UNG: variants seen among roughly 807,000 people sequenced by gnomAD.
UNG encodes uracil DNA glycosylase, also known as uracil-DNA glycosylase.
UNG carries 34 observed loss-of-function variants against 36.5 expected under a neutral mutation model. The ratio of observed to expected loss-of-function variants is 0.93; its 90% confidence interval spans 0.71 to 1.24. The LOEUF (loss-of-function observed/expected upper bound fraction) is 1.24, where lower values mean the gene tolerates loss of function less well. Among genes scored for constraint, UNG ranks in the 50% most tolerant of loss-of-function variants. The probability of loss-of-function intolerance (pLI) is 0.00; values close to 1 mark genes in which losing one functional copy is unlikely to be tolerated. For missense variants in UNG, 391 were observed against 397.6 expected (o/e 0.98, Z 0.14); for synonymous variants, 172 against 157.8 (o/e 1.09, Z -0.67).
At position 109,097,794 on chromosome 12, in the gene UNG, G is replaced by A; in HGVS notation, c.115G>A (p.Glu39Lys). Reference sequence around the variant, plus strand: ...GACCGGCGTGGCTGGGGTGCCTGAGGAAAGCGGAGATGCGGCGGTGAGGCG... The same window carrying A: ...GACCGGCGTGGCTGGGGTGCCTGAGAAAAGCGGAGATGCGGCGGTGAGGCG... Reference protein sequence around the residue: ...QGTGVAGVPEESGDAAAIPAK... With the variant: ...QGTGVAGVPEKSGDAAAIPAK... The change falls in exon 1 of 7, where the codon GAA becomes AAA. Residue 39 changes from glutamate (E) to lysine (K), a missense_variant. Glu to Lys is a moderately conservative substitution (Grantham distance 56). Coordinates refer to ENST00000242576, the MANE Select transcript of UNG (RefSeq NM_080911.3). 1 of 1,551,906 alleles carries A rather than the reference G, an allele frequency of 6.4e-7. No individual in the cohort carries two copies. Among genetic ancestry groups the A allele is most frequent in the East Asian group, 2.4e-5 (1 of 41,064 alleles).
chr12:109,102,982 C>CAAAAA, intron 5 of UNG, 55 bp downstream of exon 5: 4 of 1,241,394 alleles, frequency 3.2e-6, no homozygotes, highest in African/African-American at 1.6e-5. Flanking sequence ...GACCGAGTCT[C>CAAAAA]ACTCTGTTGC....
Position 109,110,155 on chromosome 12 carries a change from C to G in UNG, c.*186C>G. 1.4e-6 allele frequency: 1 copy of G among 711,698 alleles called. No homozygotes were observed. The highest frequency in any genetic ancestry group is 2.3e-6 in the Non-Finnish European group (1 of 430,878). The allele number at this position is 711,698 out of a possible 1,614,324, so 44.1% of individuals were successfully genotyped here. On this transcript the variant is annotated 3_prime_UTR_variant, in exon 7 of 7. Coordinates refer to ENST00000242576, the MANE Select transcript of UNG (RefSeq NM_080911.3). ...ATCCAACCACAAACAACAAAGGCTA[C>G]CCTTTGACCAAATGTCTTTCTCTGC...
chr12:109,103,653 A>G (rs760676770), intron 6 of UNG, 42 bp downstream of exon 6: 4 of 1,537,430 alleles, frequency 2.6e-6, no homozygotes, highest in South Asian at 1.2e-5. Flanking sequence ...TTTTTTTAAC[A>G]CTATAAAAAC....
chr12:109,098,416 C>T lies in UNG; in HGVS notation c.133-16C>T, dbSNP rs1203071720. Reference sequence around the variant, plus strand: ...CGCTGCAGCTCTTGAGCCGCCTCTGCGGGGACCACTTGCAGGCCATCCCAG... The same window carrying T: ...CGCTGCAGCTCTTGAGCCGCCTCTGTGGGGACCACTTGCAGGCCATCCCAG... On this transcript the variant is annotated splice_polypyrimidine_tract_variant and intron_variant, in intron 1 of 6. Coordinates refer to ENST00000242576, the MANE Select transcript of UNG (RefSeq NM_080911.3). 1.9e-6 allele frequency: 3 copies of T among 1,604,810 alleles called. No individual in the cohort carries two copies. Among genetic ancestry groups the T allele is most frequent in the Admixed American group, 1.7e-5 (1 of 58,770 alleles).
chr12:109,098,073 C>A (rs2042145239), intron 1 of UNG: 7 of 1,384,796 alleles, frequency 5.1e-6, no homozygotes, highest in Non-Finnish European at 6.5e-6. Flanking sequence ...GCTGTCCAAT[C>A]AGAGGGGAGA....
chr12:109,101,843 A>C, intron 3 of UNG, 59 bp from the exon 4 acceptor site: 2 of 1,411,914 alleles, frequency 1.4e-6, no homozygotes, highest in Non-Finnish European at 2.0e-6. Flanking sequence ...TGTTTGAGGC[A>C]GGGTCTGTGC....
intron 6 of UNG, among the ~76,000 whole-genome samples, chr12:109,108,219 A>G (rs1271073904): frequency 1.3e-5 from 2 of 152,106 alleles, no homozygotes; most frequent in African/African-American, 4.8e-5. Flanking sequence ...ATATGTACCT[A>G]TTTGTGTAGG....
rs1207093904 is a variant in UNG, at chr12:109,098,197, G to A, written c.133-235G>A. ...GTGCAGGGTTCCCAGTCACCGCGACGCTCCTCGGGAAGCCATAGGGCGCCT... is the reference window on the plus strand; with the variant it reads ...GTGCAGGGTTCCCAGTCACCGCGACACTCCTCGGGAAGCCATAGGGCGCCT... On this transcript the variant is annotated intron_variant, in intron 1 of 6. Transcript: ENST00000242576. 5 of 1,429,476 alleles carry A rather than the reference G, an allele frequency of 3.5e-6. No individual in the cohort carries two copies. In the South Asian group the frequency reaches 7.6e-5, roughly 22 times the overall value. The allele number at this position is 1,429,476 out of a possible 1,614,324, so 88.5% of individuals were successfully genotyped here.
chr12:109,097,973 G>T (rs1233367695), intron 1 of UNG, 162 bp downstream of exon 1: 5 of 1,251,584 alleles, frequency 4.0e-6, no homozygotes, highest in Non-Finnish European at 5.3e-6. Flanking sequence ...TGTCCCCCAT[G>T]GGCCGCCATG....
At chr12:109,098,245 G>A (rs2042147483) in intron 1 of UNG, 187 bp from the exon 2 acceptor site, 1 of 1,506,106 alleles carries the variant, frequency 6.6e-7, no homozygotes, top group African/African-American at 1.4e-5. Flanking sequence ...CCCCGCTCCA[G>A]TTTAGAACCT....
chr12:109,102,026 G>A (rs1261228106), intron 4 of UNG, 27 bp downstream of exon 4: 2 of 1,590,706 alleles, frequency 1.3e-6, no homozygotes, highest in African/African-American at 1.3e-5. Flanking sequence ...GGTGACTGCA[G>A]TCCAGACATG....
At chr12:109,109,057 G>C (rs2042239729) in intron 6 of UNG, among the ~76,000 whole-genome samples, 1 of 152,192 alleles carries the variant, frequency 6.6e-6, no homozygotes, top group African/African-American at 2.4e-5. Flanking sequence ...CATGTTTAAG[G>C]TAGGGTAGGT....
intron 1 of UNG, chr12:109,098,036 G>A (rs568651015): frequency 3.0e-6 from 4 of 1,344,238 alleles, no homozygotes; most frequent in African/African-American, 1.5e-5. Context: ...GCCAATCCGC[G>A]CGCCGCAGGC....
Position 109,102,833 on chromosome 12 carries a change from T to C in UNG, c.534-6T>C. The stretch of plus-strand genomic sequence containing the variant: ...GTTTTTTGTTTTTCTTGTGGCTTGC[T>C]TTCAGTTTGGAGAACATTTATAAAG... On this transcript the variant is annotated splice_region_variant and splice_polypyrimidine_tract_variant and intron_variant, in intron 4 of 6. Coordinates refer to ENST00000242576, the MANE Select transcript of UNG (RefSeq NM_080911.3). The C allele has an allele frequency of 6.2e-7, 1 of 1,611,274 alleles. No individual in the cohort carries two copies. The highest frequency in any genetic ancestry group is 1.3e-5 in the African/African-American group (1 of 75,004).
intron 6 of UNG, among the ~76,000 whole-genome samples, chr12:109,105,837 G>A (rs2042211373): frequency 6.6e-6 from 1 of 152,172 alleles, no homozygotes; most frequent in Non-Finnish European, 1.5e-5. Flanking sequence ...ACCTGATCTT[G>A]CCTGGAGGGT....
At position 109,101,153 on chromosome 12, in the gene UNG, T is replaced by G. The variant is rs186179036; in HGVS notation, c.436-749T>G. On this transcript the variant is annotated intron_variant, in intron 3 of 6. Transcript: ENST00000242576. ...TTTTTTTTGAGATGGAGTGCAGTGG[T>G]GCAATCTCGGCTTACTGCAACCTCC... Among the ~76,000 whole-genome samples the G allele has an allele frequency of 1.9e-3, 221 of 118,964 alleles. 1 individual carries two copies. Among genetic ancestry groups the G allele is most frequent in the African/African-American group, 7.0e-3 (216 of 30,936 alleles). 78.0% of individuals were successfully genotyped at this position (118,964 alleles called of 152,430 possible).
intron 6 of UNG, among the ~76,000 whole-genome samples, chr12:109,104,860 G>A (rs3219246): frequency 0.03 from 4,547 of 152,158 alleles, 229 homozygotes; most frequent in African/African-American, 0.1. Flanking sequence ...AGGAGGTAAC[G>A]GGGGTATCAG....
chr12:109,098,287 G>A (rs1338044295), intron 1 of UNG, 145 bp from the exon 2 acceptor site: 2 of 1,569,366 alleles, frequency 1.3e-6, no homozygotes, highest in South Asian at 2.3e-5. Context: ...GCCCAGCCCT[G>A]GGCTCTTACT....
rs2042196763 is a variant in UNG, at chr12:109,103,718, A to G, written c.801+107A>G. On this transcript the variant is annotated intron_variant, in intron 6 of 6. Transcript: ENST00000242576. ...TGTTTGGTCCTGGAAAATCCATGTTATAAAATAACTTTTATTTTCCCTTAG... is the reference window on the plus strand; with the variant it reads ...TGTTTGGTCCTGGAAAATCCATGTTGTAAAATAACTTTTATTTTCCCTTAG... The G allele has an allele frequency of 2.3e-6, 3 of 1,291,702 alleles. No individual in the cohort carries two copies. The African/African-American group carries it at 4.5e-5, about 19-fold the overall frequency. 80.0% of individuals were successfully genotyped at this position (1,291,702 alleles called of 1,614,324 possible).
Sources: gnomAD v4.1 joint callset for allele counts (sites outside exome capture counted in the v4.1 genomes callset) on GRCh38, gnomAD v4.1.1 for gene constraint, MANE v1.5 for transcripts, NCBI Gene and HGNC (gene_info 2026-07-23, HGNC 2026-07-21) for gene names.